The following MAPT variants were observed in gnomAD, a reference collection of about 807,000 sequenced individuals.
MAPT encodes microtubule-associated protein tau.
In MAPT, 34 loss-of-function variants were observed where a neutral mutation model predicts 67.9. The observed-to-expected ratio is 0.50, with a 90% CI of 0.38 to 0.67. The LOEUF (loss-of-function observed/expected upper bound fraction) is 0.67. MAPT is among the 30% of genes least tolerant of loss of function. The pLI is 0.00. For synonymous variants in MAPT, 456 were observed against 464.5 expected (o/e 0.98, Z 0.23); for missense variants, 881 against 1,115.2 (o/e 0.79, Z 2.99).
Position 46,015,658 on chromosome 17 carries a change from CAAAACAAAAACA to C in MAPT, c.2173+1355_2173+1366del, listed in dbSNP as rs546352999. On this transcript the variant is annotated intron_variant, in intron 11 of 12. Transcript: ENST00000262410. ...TGGGCGAGAGAGTGAGACTCCGTCTCAAAACAAAAACAAAAACAAAAACAAAAACAAACACAC... is the reference window on the plus strand; with the variant it reads ...TGGGCGAGAGAGTGAGACTCCGTCTCAAAACAAAAACAAAAACAAACACAC... Among the ~76,000 whole-genome samples the C allele has an allele frequency of 9.2e-5, 14 of 151,986 alleles. No homozygotes were observed. The South Asian group carries it at 1.0e-3, about 11-fold the overall frequency.
At chr17:45,923,486 G>A (rs757589981) in intron 1 of MAPT, among the ~76,000 whole-genome samples, 5 of 152,200 alleles carry the variant, frequency 3.3e-5, no homozygotes, top group Non-Finnish European at 7.3e-5. Context: ...GGGAATGCCC[G>A]GAGCCATCCA....
At chr17:45,901,306 T>C (rs1192760576) in intron 1 of MAPT, among the ~76,000 whole-genome samples, 1 of 152,222 alleles carries the variant, frequency 6.6e-6, no homozygotes, top group Non-Finnish European at 1.5e-5. Flanking sequence ...CCTGGCTTAG[T>C]ACATCGGGTT....
At chr17:45,934,018 G>T (rs1445428017) in intron 1 of MAPT, among the ~76,000 whole-genome samples, 1 of 152,106 alleles carries the variant, frequency 6.6e-6, no homozygotes, top group South Asian at 2.1e-4. Flanking sequence ...AATTAAGAAA[G>T]AGACTTCCAT....
chr17:45,934,907 C>T (rs972520767), intron 1 of MAPT, among the ~76,000 whole-genome samples: 5 of 151,998 alleles, frequency 3.3e-5, no homozygotes, highest in African/African-American at 1.2e-4. Context: ...TTAGAAGGAC[C>T]TCTGATCCTA....
chr17:45,900,639 G>T (rs2063552700), intron 1 of MAPT, among the ~76,000 whole-genome samples: 1 of 152,176 alleles, frequency 6.6e-6, no homozygotes, highest in African/African-American at 2.4e-5. Context: ...AGCAGCTCAA[G>T]GGCAGACACT....
chr17:45,984,350 C>T (rs553543393), intron 5 of MAPT, among the ~76,000 whole-genome samples: 8 of 152,328 alleles, frequency 5.3e-5, no homozygotes, highest in African/African-American at 1.7e-4. Flanking sequence ...GATGAGGAAA[C>T]GGAGGCTCAG....
intron 10 of MAPT, among the ~76,000 whole-genome samples, chr17:46,011,543 C>T (rs1342602333): frequency 1.3e-5 from 2 of 152,210 alleles, no homozygotes; most frequent in African/African-American, 2.4e-5. Flanking sequence ...TAAGCTGAGG[C>T]TTCATCATCC....
chr17:46,009,522 T>C (rs917296532), intron 9 of MAPT, among the ~76,000 whole-genome samples: 2 of 114,456 alleles, frequency 1.7e-5, no homozygotes, highest in Non-Finnish European at 4.7e-5. Context: ...CACGGGAGCA[T>C]TTGCTCAGCT....
In MAPT at chr17:45,926,909, A is replaced by ATG. The variant is rs982696661; in HGVS notation, c.-18+32229_-18+32230dup. On this transcript the variant is annotated intron_variant, in intron 1 of 12. Transcript: ENST00000262410. ...GTGTGTGGTATGAGTGTGTGTATGT[A>ATG]TGTGTGTATATATATACACATATAT... 7.9e-4 allele frequency among the ~76,000 whole-genome samples: 119 copies of ATG among 150,840 alleles called. 1 individual carries two copies. Among genetic ancestry groups the ATG allele is most frequent in the African/African-American group, 2.6e-3 (106 of 41,296 alleles).
intron 1 of MAPT, among the ~76,000 whole-genome samples, chr17:45,914,896 T>A (rs1005888027): frequency 5.9e-5 from 9 of 151,878 alleles, no homozygotes; most frequent in South Asian, 2.1e-4. Context: ...CTATTTTTTT[T>A]AATCAAGATG....
chr17:45,909,241 A>G (rs543485787), intron 1 of MAPT, among the ~76,000 whole-genome samples: 63 of 151,840 alleles, frequency 4.1e-4, no homozygotes, highest in African/African-American at 1.1e-3. Flanking sequence ...GGGCTGCCCA[A>G]TGGCAACAGA....
rs547739061 is a variant in MAPT, at chr17:46,014,228, C to T, written c.2092-15C>T. ...TCTGCCTTTCCTCTTCTCTCTCCTCCTCTCTCATCTCCAGGTGCAAATAGT... is the reference window on the plus strand; with the variant it reads ...TCTGCCTTTCCTCTTCTCTCTCCTCTTCTCTCATCTCCAGGTGCAAATAGT... On this transcript the variant is annotated splice_polypyrimidine_tract_variant and intron_variant, in intron 10 of 12. Transcript: ENST00000262410. 2 of 1,536,562 alleles carry T rather than the reference C, an allele frequency of 1.3e-6. No homozygotes were observed. The highest frequency in any genetic ancestry group is 1.1e-5 in the South Asian group (1 of 89,342).
chr17:45,978,660 T>C (rs2072637220), intron 4 of MAPT: 1 of 567,750 alleles, frequency 1.8e-6, no homozygotes, highest in South Asian at 2.3e-5. Context: ...GCATTTAGTG[T>C]TCTGAAAGAT....
chr17:45,906,402 A>G lies in MAPT; in HGVS notation c.-18+11716A>G, dbSNP rs1597862869. Among the ~76,000 whole-genome samples, 2 of 152,292 alleles carry G rather than the reference A, an allele frequency of 1.3e-5. No individual in the cohort carries two copies. Among genetic ancestry groups the G allele is most frequent in the Middle Eastern group, 3.4e-3 (1 of 294 alleles). ...AGTGTTTAGCATGTGACAGGAATCGATTAAGGCATGAGTGATTAAATTAAA... is the reference window on the plus strand; with the variant it reads ...AGTGTTTAGCATGTGACAGGAATCGGTTAAGGCATGAGTGATTAAATTAAA... On this transcript the variant is annotated intron_variant, in intron 1 of 12. Coordinates refer to ENST00000262410, the MANE Select transcript of MAPT (RefSeq NM_001377265.1). This position sits in a 1 kb window ranked among gnomAD's most constrained non-coding sequence, Gnocchi z 4.3.
intron 12 of MAPT, 137 bp from the exon 13 acceptor site, chr17:46,023,819 C>T (rs577237395): frequency 3.1e-5 from 23 of 745,292 alleles, no homozygotes; most frequent in East Asian, 8.0e-5. Flanking sequence ...CTAGCCTGGG[C>T]GATAGAGCAA....
intron 11 of MAPT, 30 bp from the exon 12 acceptor site, chr17:46,018,588 C>T: frequency 2.7e-6 from 4 of 1,459,904 alleles, no homozygotes; most frequent in Non-Finnish European, 3.8e-6. Context: ...AAGATGATGG[C>T]AAGATGCTCT....
intron 9 of MAPT, among the ~76,000 whole-genome samples, chr17:46,000,284 T>G (rs2074889309): frequency 6.6e-6 from 1 of 152,234 alleles, no homozygotes. Flanking sequence ...CTTTGTGCTT[T>G]TCTCTGTTTT....
Position 46,024,776 on chromosome 17 carries a change from C to G in MAPT, c.*605C>G, listed in dbSNP as rs1395845753. Reference sequence around the variant, plus strand: ...GAAGTGGGAGTGGGAGAGGAAGCCACGTGCTGGAGAGTAGACATCCCCCTC... The same window carrying G: ...GAAGTGGGAGTGGGAGAGGAAGCCAGGTGCTGGAGAGTAGACATCCCCCTC... On this transcript the variant is annotated 3_prime_UTR_variant, in exon 13 of 13. Coordinates refer to ENST00000262410, the MANE Select transcript of MAPT (RefSeq NM_001377265.1). 1 of 179,132 alleles carries G rather than the reference C, an allele frequency of 5.6e-6. No homozygotes were observed. The highest frequency in any genetic ancestry group is 1.2e-5 in the Non-Finnish European group (1 of 83,426). 11.1% of individuals were successfully genotyped at this position (179,132 alleles called of 1,614,324 possible).
chr17:45,941,396 G>A (rs2067839025), intron 1 of MAPT, among the ~76,000 whole-genome samples: 1 of 151,996 alleles, frequency 6.6e-6, no homozygotes, highest in Non-Finnish European at 1.5e-5. Flanking sequence ...GGTGTGGAGG[G>A]CGTAGCACAG....
Sources: gnomAD v4.1 joint callset for allele counts (sites outside exome capture counted in the v4.1 genomes callset) on GRCh38, gnomAD v4.1.1 for gene constraint, Gnocchi (gnomAD v3.1) non-coding constraint, MANE v1.5 for transcripts, NCBI Gene and HGNC (gene_info 2026-07-23, HGNC 2026-07-21) for gene names.